Variants in GSE1 observed in about 807,000 individuals in gnomAD.
The protein encoded by GSE1 is Gse1 coiled-coil protein, also known as genetic suppressor element 1.
A neutral mutation model predicts 112.6 loss-of-function variants in GSE1; 32 were observed. The observed-to-expected ratio is 0.28, with a 90% CI of 0.21 to 0.38. The LOEUF (loss-of-function observed/expected upper bound fraction) is 0.38, where lower values mean the gene tolerates loss of function less well. GSE1 is among the 10% of genes least tolerant of loss of function. The pLI is 1.00. For missense variants in GSE1, 2,348 were observed against 1,699.2 expected, an observed-to-expected ratio of 1.38 and a Z score of -6.71; for synonymous variants, 1,115 against 735.6, an observed-to-expected ratio of 1.52 and a Z score of -8.35.
intron 1 of GSE1, among the ~76,000 whole-genome samples, chr16:85,319,504 A>C (rs2046054712): frequency 6.6e-6 from 1 of 151,964 alleles, no homozygotes; most frequent in African/African-American, 2.4e-5. Context: ...CGTCGGGCTG[A>C]TGAGCTCCCT....
At chr16:85,358,439 G>A (rs908437753) in intron 2 of GSE1, among the ~76,000 whole-genome samples, 5 of 152,126 alleles carry the variant, frequency 3.3e-5, no homozygotes, top group African/African-American at 9.7e-5. Flanking sequence ...TGCCCCCATC[G>A]CTGCCCCCAC....
In GSE1 at chr16:85,672,581, T is replaced by A; in HGVS notation, c.*42T>A. The A allele has an allele frequency of 7.4e-7, 1 of 1,351,518 alleles. No homozygotes were observed. The highest frequency in any genetic ancestry group is 1.0e-6 in the Non-Finnish European group (1 of 987,336). 83.7% of individuals were successfully genotyped at this position (1,351,518 alleles called of 1,614,324 possible). The stretch of plus-strand genomic sequence containing the variant: ...AGGCCGAACCTATAGTATAGAAATA[T>A]TATCTATTTTATTACCTTGAATATT... On this transcript the variant is annotated 3_prime_UTR_variant, in exon 16 of 16. Transcript: ENST00000253458.
chr16:85,507,230 T>C (rs2051566181), intron 2 of GSE1, among the ~76,000 whole-genome samples: 1 of 152,240 alleles, frequency 6.6e-6, no homozygotes, highest in Admixed American at 6.5e-5. Context: ...AGATTGCTTT[T>C]GTCTTCTCTG....
chr16:85,218,563 C>G (rs1032869388), intron 1 of GSE1, among the ~76,000 whole-genome samples: 1 of 152,250 alleles, frequency 6.6e-6, no homozygotes. Context: ...GAGCTCAACT[C>G]TGCCACTTGC....
Position 85,661,480 on chromosome 16 carries a change from G to A in GSE1, c.1975G>A (p.Gly659Arg). 6.2e-7 allele frequency: 1 copy of A among 1,611,710 alleles called. No homozygotes were observed. The highest frequency in any genetic ancestry group is 1.1e-5 in the South Asian group (1 of 91,026). Residue 659 changes from glycine to arginine, a missense_variant, in exon 9 of 16, where the codon GGA becomes AGA. By Grantham distance (125) the Gly-to-Arg change is moderately radical. Transcript: ENST00000253458. Reference sequence around the variant, plus strand: ...GCCACCTCCGCCGCCACCACGAGAGGGAGGGAGCCTGGAGCACCAGCCCTT... The same window carrying A: ...GCCACCTCCGCCGCCACCACGAGAGAGAGGGAGCCTGGAGCACCAGCCCTT... ...YQPPPPPPREGGSLEHQPFLP... is the reference protein window; with the variant it reads ...YQPPPPPPRERGSLEHQPFLP...
chr16:85,198,986 C>G (rs1303330591), intron 1 of GSE1, among the ~76,000 whole-genome samples: 1 of 151,904 alleles, frequency 6.6e-6, no homozygotes, highest in Non-Finnish European at 1.5e-5. Flanking sequence ...GCTCTGTTGC[C>G]CAGGCTGGAG....
At chr16:85,500,998 GT>G (rs55650214) in intron 2 of GSE1, among the ~76,000 whole-genome samples, 2,349 of 64,624 alleles carry the variant, frequency 0.036, 18 homozygotes, top group African/African-American at 0.15. Context: ...GGCCTGTTCT[GT>G]TTTTTTTTTT....
intron 1 of GSE1, among the ~76,000 whole-genome samples, chr16:85,273,753 G>A (rs1190141900): frequency 1.3e-5 from 2 of 151,572 alleles, no homozygotes; most frequent in Non-Finnish European, 2.9e-5. Context: ...GCAGTGGTGC[G>A]ATCTCGGCTC....
At chr16:85,641,647 C>A (rs2151820024) in intron 2 of GSE1, among the ~76,000 whole-genome samples, 1 of 152,392 alleles carries the variant, frequency 6.6e-6, no homozygotes, top group South Asian at 2.1e-4. Flanking sequence ...GTTTCCCAGC[C>A]TGTTCTTGTC....
chr16:85,192,341 T>C lies in GSE1; in HGVS notation c.2283+20534T>C, dbSNP rs149474101. ...ACCTTTCTGTGCTATAATTTCCCCA[T>C]CTGTAAAGGTTAATAGCCATATGTC... On this transcript the variant is annotated intron_variant, in intron 1 of 2. Coordinates refer to the GSE1 transcript ENST00000637419. Among the ~76,000 whole-genome samples, 5 of 152,370 alleles carry C rather than the reference T, an allele frequency of 3.3e-5. No homozygotes were observed. The East Asian group carries it at 9.6e-4, about 29-fold the overall frequency.
intron 1 of GSE1, among the ~76,000 whole-genome samples, chr16:85,326,674 CT>C (rs141996205): frequency 6.6e-6 from 1 of 152,342 alleles, no homozygotes; most frequent in Non-Finnish European, 1.5e-5. Context: ...AACCTCTTTT[CT>C]TTATCAATTC....
At chr16:85,620,297 AAAAC>A (rs1490058212) in intron 1 of GSE1, among the ~76,000 whole-genome samples, 1 of 152,164 alleles carries the variant, frequency 6.6e-6, no homozygotes, top group Non-Finnish European at 1.5e-5. Context: ...TCTCAGCAAA[AAAAC>A]AAAATTAAAC....
intron 1 of GSE1, among the ~76,000 whole-genome samples, chr16:85,179,382 G>A (rs562388794): frequency 2.6e-5 from 4 of 152,292 alleles, no homozygotes; most frequent in South Asian, 4.1e-4. Context: ...GATGGACCAC[G>A]TTCTGTGTCC....
chr16:85,538,399 G>T (rs994105981), intron 2 of GSE1, among the ~76,000 whole-genome samples: 126 of 152,302 alleles, frequency 8.3e-4, no homozygotes, highest in African/African-American at 3.0e-3. Context: ...AAATACAGCA[G>T]TGCGGCAGGG....
At chr16:85,636,974 G>T (rs2050057597) in intron 2 of GSE1, among the ~76,000 whole-genome samples, 1 of 152,190 alleles carries the variant, frequency 6.6e-6, no homozygotes, top group Non-Finnish European at 1.5e-5. Flanking sequence ...GAGGGCAGCA[G>T]GGGGAACCTT....
exon 1 of GSE1, chr16:85,171,756 C>T (rs1255077415): frequency 1.0e-6 from 1 of 985,472 alleles, no homozygotes; most frequent in Non-Finnish European, 1.2e-6. Flanking sequence ...GCCAAGGGCT[C>T]ACCCGCCAAG....
rs778290883 is a variant in GSE1, at chr16:85,665,010, C to G, written c.2645-5C>G. ...CTCGTTAATCTCAGGCTGCTTTTCT[C>G]ATAGACAAAGAGAGACTTGTTGAAA... is the stretch of plus-strand genomic sequence containing the variant. On this transcript the variant is annotated splice_region_variant and splice_polypyrimidine_tract_variant and intron_variant, in intron 11 of 15. Coordinates refer to ENST00000253458, the MANE Select transcript of GSE1 (RefSeq NM_014615.5). The G allele has an allele frequency of 1.3e-6, 2 of 1,577,324 alleles. No individual in the cohort carries two copies. Among genetic ancestry groups the G allele is most frequent in the Admixed American group, 1.7e-5 (1 of 59,900 alleles).
intron 15 of GSE1, 75 bp from the exon 16 acceptor site, chr16:85,672,330 A>C: frequency 6.4e-6 from 7 of 1,095,054 alleles, no homozygotes; most frequent in Non-Finnish European, 9.6e-6. Flanking sequence ...CCTTCCATCC[A>C]GCATGTTTGT....
intron 1 of GSE1, among the ~76,000 whole-genome samples, chr16:85,620,924 T>A (rs528744421): frequency 1.3e-5 from 2 of 151,694 alleles, no homozygotes; most frequent in African/African-American, 4.8e-5. Flanking sequence ...GGGGAAGCCG[T>A]GTAGATGGTC....
Sources: allele counts gnomAD v4.1 joint callset (sites outside exome capture counted in the v4.1 genomes callset), GRCh38; gene constraint gnomAD v4.1.1; transcripts MANE v1.5; gene names NCBI Gene and HGNC (gene_info 2026-07-23, HGNC 2026-07-21).